Variants in SLC9A1 observed in about 807,000 individuals in gnomAD.
The protein encoded by SLC9A1 is sodium/hydrogen exchanger 1.
In SLC9A1, 22 loss-of-function variants were observed where a neutral mutation model predicts 67.9. That is an observed-to-expected ratio of 0.32 (90% CI 0.23 to 0.46). The LOEUF is 0.46. Ranked by LOEUF, SLC9A1 falls within the 20% of genes least tolerant of loss-of-function variation. The pLI, the probability that SLC9A1 is intolerant of heterozygous loss-of-function variation, is 1.00. For synonymous variants in SLC9A1, 421 were observed against 471.8 expected, an observed-to-expected ratio of 0.89 and a Z score of 1.40; for missense variants, 686 against 1,094.8, an observed-to-expected ratio of 0.63 and a Z score of 5.27.
chr1:27,144,149 T>C (rs1409919623), intron 1 of SLC9A1, among the ~76,000 whole-genome samples: 1 of 152,262 alleles, frequency 6.6e-6, no homozygotes, highest in African/African-American at 2.4e-5. Context: ...TAAGTAAATC[T>C]GTCCAGGTAC....
intron 1 of SLC9A1, among the ~76,000 whole-genome samples, chr1:27,135,525 G>GTAAA (rs1553119965): frequency 9.1e-6 from 1 of 110,052 alleles, no homozygotes. Flanking sequence ...CTTTTTTCTG[G>GTAAA]AAAAAAAAAA....
Position 27,109,892 on chromosome 1 carries a change from C to A in SLC9A1, c.814-115G>T, listed in dbSNP as rs1337005751. On this transcript the variant is annotated intron_variant, in intron 2 of 11. Coordinates refer to ENST00000263980, the MANE Select transcript of SLC9A1 (RefSeq NM_003047.5). The surrounding 1 kb of genome is among the most constrained non-coding windows in gnomAD (Gnocchi z 5.5). ...CGTTAACCATGGCCACAAGAAGAGG[C>A]CACACGGTAGCAGAGAAACCCTAGT... 7 of 1,221,176 alleles carry A rather than the reference C, an allele frequency of 5.7e-6. No homozygotes were observed. The Admixed American group carries it at 1.2e-4, about 22-fold the overall frequency. 75.6% of individuals were successfully genotyped at this position (1,221,176 alleles called of 1,614,324 possible). A position where few individuals can be genotyped will look rare whatever the true frequency, so the allele number is the denominator to read the frequency against.
rs762215072 is a variant in SLC9A1, at chr1:27,114,020, G to C, written c.619C>G (p.Leu207Val). 1 of 1,614,142 alleles carries C rather than the reference G, an allele frequency of 6.2e-7. No homozygotes were observed. The highest frequency in any genetic ancestry group is 1.1e-5 in the South Asian group (1 of 91,088). The part of the protein sequence containing the change: ...TLWNAFFLGG[L>V]MYAVCLVGGE... ...CCCACCAGGCACACGGCGTACATGA[G>C]GCCGCCCAGGAAGAAGGCGTTCCAC... The change falls in exon 2 of 12, where the codon CTC (leucine) becomes GTC (valine). Residue 207 changes from leucine to valine, a missense_variant. By Grantham distance (32) the Leu-to-Val change is conservative. Coordinates refer to ENST00000263980, the MANE Select transcript of SLC9A1 (RefSeq NM_003047.5). This position sits in a 1 kb window ranked among gnomAD's most constrained non-coding sequence, Gnocchi z 5.4.
In SLC9A1 at chr1:27,114,156, G is replaced by A; in HGVS notation, c.483C>T (p.Phe161=). 6.2e-7 allele frequency: 1 copy of A among 1,614,192 alleles called. No individual in the cohort carries two copies. The highest frequency in any genetic ancestry group is 8.5e-7 in the Non-Finnish European group (1 of 1,180,036). The change falls in exon 2 of 12, where the codon TTC becomes TTT. Residue 161 remains phenylalanine, a synonymous_variant. Transcript: ENST00000263980. The surrounding 1 kb of genome is among the most constrained non-coding windows in gnomAD (Gnocchi z 5.4). ...ETPPFLQSDV[F]FLFLLPPIIL... ...TGATGGGCGGCAGCAGGAAGAGGAA[G>A]AAGACGTCGGACTGCAGGAAGGGGG... is the stretch of plus-strand genomic sequence containing the variant.
rs767905519 is a variant in SLC9A1 at position 27,102,661 on chromosome 1, C to T, written c.1646+12G>A. The T allele has an allele frequency of 2.1e-5, 34 of 1,613,426 alleles. No individual in the cohort carries two copies. The highest frequency in any genetic ancestry group is 8.5e-7 in the Non-Finnish European group (1 of 1,179,854). ...TGCCCCTCCCTGCCTGCCCACCAGGCCTGCCACCTACTTGTCCTTCCAGTG... is the reference window on the plus strand; with the variant it reads ...TGCCCCTCCCTGCCTGCCCACCAGGTCTGCCACCTACTTGTCCTTCCAGTG... On this transcript the variant is annotated intron_variant, in intron 7 of 11. Coordinates refer to ENST00000263980, the MANE Select transcript of SLC9A1 (RefSeq NM_003047.5).
rs200162869 is a variant in SLC9A1 at position 27,102,438 on chromosome 1, C to T, written c.1767G>A (p.Val589=). The T allele has an allele frequency of 3.9e-5, 62 of 1,610,006 alleles. No individual in the cohort carries two copies. The highest frequency in any genetic ancestry group is 1.7e-5 in the Admixed American group (1 of 59,924). ...GGATCTTGCCCATGCCCCCGCTCTC[C>T]ACCAGCTCGATGGCCTGCTTCATCT... The part of the protein sequence containing the change: ...KMEMKQAIEL[V]ESGGMGKIPS... The change falls in exon 8 of 12, where the codon GTG becomes GTA. Residue 589 remains valine (V), a synonymous_variant. Transcript: ENST00000263980.
chr1:27,119,128 G>A (rs2083290218), intron 1 of SLC9A1, among the ~76,000 whole-genome samples: 1 of 151,578 alleles, frequency 6.6e-6, no homozygotes, highest in Non-Finnish European at 1.5e-5. Context: ...AATTGATGGA[G>A]GCTCCCAGCC....
chr1:27,109,526 C>A lies in SLC9A1; in HGVS notation c.1064+1G>T. 6.2e-7 allele frequency: 1 copy of A among 1,612,312 alleles called. No individual in the cohort carries two copies. The highest frequency in any genetic ancestry group is 2.2e-5 in the East Asian group (1 of 44,804). On this transcript the variant is annotated splice_donor_variant, in intron 3 of 11. Coordinates refer to ENST00000263980, the MANE Select transcript of SLC9A1 (RefSeq NM_003047.5). LOFTEE classifies it high-confidence loss of function. The surrounding 1 kb of genome is among the most constrained non-coding windows in gnomAD (Gnocchi z 5.5). ...CCACTGCCTGCTGCACGCAGACTCA[C>A]GCCATGATGCCTGACAGGTGGAAGA...
At chr1:27,105,579 T>G in intron 5 of SLC9A1, 3 of 640,842 alleles carry the variant, frequency 4.7e-6, no homozygotes, top group Non-Finnish European at 8.7e-6. Context: ...TTACAGGCGT[T>G]GAGTCACCGT....
At chr1:27,147,299 C>CAGAAAAAA (rs2083493352) in intron 1 of SLC9A1, among the ~76,000 whole-genome samples, 1 of 43,958 alleles carries the variant, frequency 2.3e-5, no homozygotes. Context: ...GACTCTGTCT[C>CAGAAAAAA]AAAAAAAAAA....
chr1:27,121,535 G>A (rs1450962742), intron 1 of SLC9A1, among the ~76,000 whole-genome samples: 3 of 152,308 alleles, frequency 2.0e-5, no homozygotes, highest in South Asian at 2.1e-4. Context: ...GGGCCTGGGC[G>A]GCCCCTGGAG....
intron 1 of SLC9A1, among the ~76,000 whole-genome samples, chr1:27,117,004 T>C (rs1488345514): frequency 6.6e-6 from 1 of 152,140 alleles, no homozygotes; most frequent in Non-Finnish European, 1.5e-5. Context: ...GACCACCACC[T>C]GTCTGCTCAG....
chr1:27,103,360 G>T, intron 5 of SLC9A1, 48 bp from the exon 6 acceptor site: 2 of 1,376,898 alleles, frequency 1.5e-6, no homozygotes, highest in Non-Finnish European at 2.1e-6. Flanking sequence ...TACCCAGGCA[G>T]GGAGGCCACA....
At position 27,109,417 on chromosome 1, in the gene SLC9A1, G is replaced by T; in HGVS notation, c.1064+110C>A. ...CTGGAGTTCATGTCTCATCCCTGGA[G>T]CTCAAGGCTGGGCCCTGGGAGCTCC... On this transcript the variant is annotated intron_variant, in intron 3 of 11. Coordinates refer to ENST00000263980, the MANE Select transcript of SLC9A1 (RefSeq NM_003047.5). The surrounding 1 kb of genome is among the most constrained non-coding windows in gnomAD (Gnocchi z 5.5). The T allele has an allele frequency of 8.3e-7, 1 of 1,205,856 alleles. No individual in the cohort carries two copies. The highest frequency in any genetic ancestry group is 1.2e-6 in the Non-Finnish European group (1 of 839,556). 74.7% of individuals were successfully genotyped at this position (1,205,856 alleles called of 1,614,324 possible).
At position 27,127,063 on chromosome 1, in the gene SLC9A1, C is replaced by T. The variant is rs1348530593; in HGVS notation, c.353-12777G>A. 3.9e-5 allele frequency among the ~76,000 whole-genome samples: 6 copies of T among 152,210 alleles called. No homozygotes were observed. In the Middle Eastern group the frequency reaches 0.01, roughly 259 times the overall value. The stretch of plus-strand genomic sequence containing the variant: ...TTGCCCAGGCTGGAGTGCAGTGGTA[C>T]GAACATGGCTCACTGCAGCCTTGAC... On this transcript the variant is annotated intron_variant, in intron 1 of 11. Coordinates refer to ENST00000263980, the MANE Select transcript of SLC9A1 (RefSeq NM_003047.5).
chr1:27,145,251 G>A (rs1004599095), intron 1 of SLC9A1, among the ~76,000 whole-genome samples: 12 of 152,152 alleles, frequency 7.9e-5, no homozygotes, highest in African/African-American at 2.7e-4. Flanking sequence ...AGTCCTCAGG[G>A]ACTGCTTGCT....
Position 27,107,627 on chromosome 1 carries a change from C to T in SLC9A1, c.1282+21G>A, listed in dbSNP as rs960780033. 39 of 1,536,392 alleles carry T rather than the reference C, an allele frequency of 2.5e-5. No homozygotes were observed. The Middle Eastern group carries it at 5.9e-4, about 23-fold the overall frequency. Reference sequence around the variant, plus strand: ...ACACCCCACACCACAACCCCCACCCCGCCCCAGCCCTGGCCCTCACCCAGC... The same window carrying T: ...ACACCCCACACCACAACCCCCACCCTGCCCCAGCCCTGGCCCTCACCCAGC... On this transcript the variant is annotated intron_variant, in intron 4 of 11. Coordinates refer to ENST00000263980, the MANE Select transcript of SLC9A1 (RefSeq NM_003047.5).
intron 2 of SLC9A1, among the ~76,000 whole-genome samples, chr1:27,111,456 T>C (rs952809274): frequency 1.3e-5 from 2 of 152,054 alleles, no homozygotes; most frequent in Non-Finnish European, 2.9e-5. Flanking sequence ...GCAAAAAAAC[T>C]GGAATATAAC....
intron 1 of SLC9A1, among the ~76,000 whole-genome samples, chr1:27,149,660 C>T (rs1278797545): frequency 6.6e-6 from 1 of 152,200 alleles, no homozygotes; most frequent in African/African-American, 2.4e-5. Flanking sequence ...GGGCACTCTA[C>T]CAGGCATTCC....
Sources: gnomAD v4.1 joint callset for allele counts (sites outside exome capture counted in the v4.1 genomes callset) on GRCh38, gnomAD v4.1.1 for gene constraint, Gnocchi (gnomAD v3.1) non-coding constraint, MANE v1.5 for transcripts, NCBI Gene and HGNC (gene_info 2026-07-23, HGNC 2026-07-21) for gene names.